Variants in ICA1 observed in about 807,000 individuals in gnomAD.
ICA1 encodes the protein 69 kDa islet cell autoantigen.
A neutral mutation model predicts 71.0 loss-of-function variants in ICA1; 40 were observed. The observed-to-expected ratio is 0.56, with a 90% CI of 0.44 to 0.73. ICA1 has a LOEUF of 0.73. Ranked by LOEUF, ICA1 falls within the 30% of genes least tolerant of loss-of-function variation. ICA1 has a pLI of 0.00. For synonymous variants in ICA1, 207 were observed against 209.5 expected (o/e 0.99, Z 0.10); for missense variants, 578 against 576.5 (o/e 1.00, Z -0.03).
rs3807851 is a variant in ICA1, at chr7:8,116,802, T to C, written c.1331-2758A>G. The stretch of plus-strand genomic sequence containing the variant: ...TTATTTTCTACACAGCTAATTTAAA[T>C]TGGGAGATTTAATTAATACAGATAA... On this transcript the variant is annotated intron_variant, in intron 13 of 13. Coordinates refer to ENST00000402384, the MANE Select transcript of ICA1 (RefSeq NM_001136020.3). Among the ~76,000 whole-genome samples, 209 of 152,342 alleles carry C rather than the reference T, an allele frequency of 1.4e-3. 2 individuals are homozygous for C. The East Asian group carries it at 0.015, about 11-fold the overall frequency.
chr7:8,198,508 G>C (rs777470730), intron 6 of ICA1, among the ~76,000 whole-genome samples: 1 of 152,250 alleles, frequency 6.6e-6, no homozygotes. Flanking sequence ...ACGTTGATGT[G>C]GTTGGATTTG....
Position 8,113,196 on chromosome 7 carries a change from A to G in ICA1, c.*727T>C, listed in dbSNP as rs1222828919. Reference sequence around the variant, plus strand: ...CCATAAACTTGACTTTGCATGTCAAATATCTTTTCTGTTTAATTAAAAAAA... The same window carrying G: ...CCATAAACTTGACTTTGCATGTCAAGTATCTTTTCTGTTTAATTAAAAAAA... On this transcript the variant is annotated 3_prime_UTR_variant, in exon 14 of 14. Transcript: ENST00000402384. This position sits in a 1 kb window ranked among gnomAD's most constrained non-coding sequence, Gnocchi z 4.2. The G allele has an allele frequency of 1.4e-5, 2 of 146,488 alleles. No individual in the cohort carries two copies. The highest frequency in any genetic ancestry group is 2.3e-4 in the South Asian group (1 of 4,422). The allele number at this position is 146,488 out of a possible 1,614,324, so 9.1% of individuals were successfully genotyped here.
At chr7:8,120,846 G>A (rs1335903761) in intron 13 of ICA1, among the ~76,000 whole-genome samples, 1 of 152,224 alleles carries the variant, frequency 6.6e-6, no homozygotes. Flanking sequence ...CCAGAGCTGC[G>A]CTTTGCCATG....
chr7:8,231,934 T>C (rs1459659585), intron 3 of ICA1, among the ~76,000 whole-genome samples: 1 of 152,194 alleles, frequency 6.6e-6, no homozygotes, highest in Non-Finnish European at 1.5e-5. Flanking sequence ...AAAATCTGAG[T>C]TCATTTTGAA....
chr7:8,114,013 G>A lies in ICA1; in HGVS notation c.1362C>T (p.Ala454=), dbSNP rs764620805. The change falls in exon 14 of 14, where the codon GCC becomes GCT. Residue 454 remains alanine, a synonymous_variant. Transcript: ENST00000402384. ...CGAGGTCAGCGAAGAGGCTGAACCA[G>A]GCAGTCAGGTCTGAGGCAGCCTTAG... is the stretch of plus-strand genomic sequence containing the variant. ...EPAKAASDLT[A]WFSLFADLDP... is the part of the protein sequence containing the mutation. 3 of 1,614,174 alleles carry A rather than the reference G, an allele frequency of 1.9e-6. No homozygotes were observed. The Admixed American group carries it at 5.0e-5, about 27-fold the overall frequency.
At chr7:8,217,266 G>A (rs1195358714) in intron 6 of ICA1, among the ~76,000 whole-genome samples, 1 of 152,150 alleles carries the variant, frequency 6.6e-6, no homozygotes, top group Admixed American at 6.5e-5. Flanking sequence ...TCAGAGGGAA[G>A]GGTTCTAAAT....
intron 4 of ICA1, 117 bp downstream of exon 4, chr7:8,228,484 G>A (rs893590648): frequency 4.2e-5 from 22 of 523,670 alleles, no homozygotes; most frequent in African/African-American, 3.7e-4. Flanking sequence ...TCCTCCCAAC[G>A]CCTGAAGACA....
intron 6 of ICA1, among the ~76,000 whole-genome samples, chr7:8,176,230 C>T (rs577016509): frequency 6.6e-6 from 1 of 152,356 alleles, no homozygotes; most frequent in Non-Finnish European, 1.5e-5. Flanking sequence ...CCTTATCCTT[C>T]ATGCATGCTG....
intron 8 of ICA1, among the ~76,000 whole-genome samples, chr7:8,152,481 C>T (rs1799160621): frequency 6.6e-6 from 1 of 151,460 alleles, no homozygotes; most frequent in Non-Finnish European, 1.5e-5. Flanking sequence ...ACAACCACCA[C>T]AACCATTACC....
chr7:8,207,005 G>A (rs574765062), intron 6 of ICA1, among the ~76,000 whole-genome samples: 1 of 152,150 alleles, frequency 6.6e-6, no homozygotes, highest in African/African-American at 2.4e-5. Flanking sequence ...GTCCAGGACA[G>A]AAATTTATTC....
Position 8,173,707 on chromosome 7 carries a change from G to A in ICA1, c.580-15055C>T, listed in dbSNP as rs1779587712. Reference sequence around the variant, plus strand: ...ACTATTTCATGCTCACAACAGCCTTGTTGTTATTAAGATGTTTCATAAACC... The same window carrying A: ...ACTATTTCATGCTCACAACAGCCTTATTGTTATTAAGATGTTTCATAAACC... On this transcript the variant is annotated intron_variant, in intron 6 of 13. Transcript: ENST00000402384. This position sits in a 1 kb window ranked among gnomAD's most constrained non-coding sequence, Gnocchi z 4.0. Among the ~76,000 whole-genome samples the A allele has an allele frequency of 6.6e-6, 1 of 152,072 alleles. No homozygotes were observed. The highest frequency in any genetic ancestry group is 1.5e-5 in the Non-Finnish European group (1 of 67,996).
chr7:8,202,241 T>A (rs1023341829), intron 6 of ICA1, among the ~76,000 whole-genome samples: 2 of 152,204 alleles, frequency 1.3e-5, no homozygotes, highest in Non-Finnish European at 2.9e-5. Context: ...GATGCATGTG[T>A]CAATGTGGTC....
intron 6 of ICA1, among the ~76,000 whole-genome samples, chr7:8,201,773 C>G (rs1408874942): frequency 1.3e-5 from 2 of 152,198 alleles, no homozygotes; most frequent in Middle Eastern, 3.2e-3. Flanking sequence ...GGGAATGGCA[C>G]TGGGTTAGCA....
At chr7:8,235,663 C>T (rs1007830662) in intron 2 of ICA1, among the ~76,000 whole-genome samples, 4 of 152,058 alleles carry the variant, frequency 2.6e-5, no homozygotes, top group Admixed American at 1.3e-4. Context: ...AGTAGGTTCC[C>T]AAGAGAAAAG....
At chr7:8,196,007 A>G (rs1014131602) in intron 6 of ICA1, among the ~76,000 whole-genome samples, 2 of 151,986 alleles carry the variant, frequency 1.3e-5, no homozygotes, top group African/African-American at 4.8e-5. Flanking sequence ...CAACACCAAC[A>G]CCAACACCAA....
intron 13 of ICA1, chr7:8,114,985 T>C (rs1159636863): frequency 6.6e-6 from 1 of 152,066 alleles, no homozygotes; most frequent in Non-Finnish European, 1.5e-5. Flanking sequence ...TCAGGAAGTG[T>C]TGGTAGGACA....
intron 10 of ICA1, among the ~76,000 whole-genome samples, chr7:8,139,896 T>C (rs1303020451): frequency 6.6e-6 from 1 of 152,240 alleles, no homozygotes; most frequent in African/African-American, 2.4e-5. Context: ...GATTTGCTCA[T>C]ATGTTCATTA....
intron 1 of ICA1, among the ~76,000 whole-genome samples, chr7:8,258,408 G>T (rs886814036): frequency 1.3e-5 from 2 of 152,160 alleles, no homozygotes; most frequent in African/African-American, 4.8e-5. Context: ...AGTGATGCAG[G>T]CCATCATTTC....
In ICA1 at chr7:8,173,402, G is replaced by C. The variant is rs1392553541; in HGVS notation, c.580-14750C>G. 6.6e-6 allele frequency among the ~76,000 whole-genome samples: 1 copy of C among 152,056 alleles called. No individual in the cohort carries two copies. Among genetic ancestry groups the C allele is most frequent in the African/African-American group, 2.4e-5 (1 of 41,384 alleles). ...ACACATCAAATATATCCAAATCTAT[G>C]AGTTCATAATAATACTTAAAAACAA... On this transcript the variant is annotated intron_variant, in intron 6 of 13. Transcript: ENST00000402384. This position sits in a 1 kb window ranked among gnomAD's most constrained non-coding sequence, Gnocchi z 4.0.
Sources: allele counts gnomAD v4.1 joint callset (sites outside exome capture counted in the v4.1 genomes callset), GRCh38; gene constraint gnomAD v4.1.1; non-coding constraint Gnocchi (gnomAD v3.1); transcripts MANE v1.5; gene names NCBI Gene and HGNC (gene_info 2026-07-23, HGNC 2026-07-21).